PAPOLA: variants seen among roughly 807,000 people sequenced by gnomAD.
PAPOLA encodes the protein polynucleotide adenylyltransferase alpha.
Under a neutral mutation model 100.6 loss-of-function variants are expected in PAPOLA, and 15 were observed. That is an observed-to-expected ratio of 0.15 (90% confidence interval 0.10 to 0.23). The LOEUF (loss-of-function observed/expected upper bound fraction) is 0.23, where lower values mean the gene tolerates loss of function less well. PAPOLA is among the 10% of genes least tolerant of loss of function. The pLI is 1.00. For synonymous variants in PAPOLA, 293 were observed against 300.0 expected (o/e 0.98, Z 0.24); for missense variants, 533 against 884.2 (o/e 0.60, Z 5.04).
intron 1 of PAPOLA, among the ~76,000 whole-genome samples, chr14:96,514,998 GT>G (rs34559573): frequency 0.75 from 113,795 of 151,974 alleles, 43,873 homozygotes; most frequent in African/African-American, 0.94. Context: ...AGAAGTCACA[GT>G]TTTTTTAGTA....
intron 12 of PAPOLA, chr14:96,538,023 A>T (rs951500877): frequency 6.6e-6 from 1 of 151,814 alleles, no homozygotes; most frequent in African/African-American, 2.4e-5. Flanking sequence ...ATCATTAAAT[A>T]CTCTTATTTT....
chr14:96,502,569 T>C lies in PAPOLA; in HGVS notation c.-24T>C. The C allele has an allele frequency of 3.2e-6, 5 of 1,550,562 alleles. No homozygotes were observed. Among genetic ancestry groups the C allele is most frequent in the Non-Finnish European group, 4.4e-6 (5 of 1,148,112 alleles). ...GCGGCGGTTGCGGGGGGGAAGTGAC[T>C]GGGCGGTGCCGGCGCCGGAGACGAT... On this transcript the variant is annotated 5_prime_UTR_variant, in exon 1 of 22. Transcript: ENST00000216277.
chr14:96,531,544 C>A lies in PAPOLA; in HGVS notation c.565C>A (p.Leu189Met). ...PEDLDLRDDS[L>M]LKNLDIRCIR... is the part of the protein sequence containing the mutation. Reference sequence around the variant, plus strand: ...AGATTTGGATCTACGAGATGACAGTCTGCTAAAAAATTTAGATATAAGATG... The same window carrying A: ...AGATTTGGATCTACGAGATGACAGTATGCTAAAAAATTTAGATATAAGATG... The change falls in exon 7 of 22, where the codon CTG (leucine) becomes ATG (methionine). Residue 189 changes from leucine (L) to methionine (M), a missense_variant. Coordinates refer to ENST00000216277, the MANE Select transcript of PAPOLA (RefSeq NM_032632.5). The A allele has an allele frequency of 6.2e-7, 1 of 1,609,112 alleles. No homozygotes were observed. The highest frequency in any genetic ancestry group is 8.5e-7 in the Non-Finnish European group (1 of 1,176,272).
rs142363040 is a variant in PAPOLA, at chr14:96,552,873, C to T, written c.1664+251C>T. 9.8e-4 allele frequency: 420 copies of T among 427,294 alleles called. 1 individual carries two copies. Among genetic ancestry groups the T allele is most frequent in the African/African-American group, 7.8e-3 (389 of 49,790 alleles). 26.5% of individuals were successfully genotyped at this position (427,294 alleles called of 1,614,324 possible). A position where few individuals can be genotyped will look rare whatever the true frequency, so the allele number is the denominator to read the frequency against. On this transcript the variant is annotated intron_variant, in intron 17 of 21. Coordinates refer to ENST00000216277, the MANE Select transcript of PAPOLA (RefSeq NM_032632.5). ...TGTGAATGAATGTTAGCACATAACC[C>T]CTCCAAATTCATGTATTTAGATAGC...
intron 1 of PAPOLA, among the ~76,000 whole-genome samples, chr14:96,518,831 C>T (rs935302767): frequency 4.6e-5 from 7 of 151,832 alleles, no homozygotes; most frequent in African/African-American, 7.2e-5. Flanking sequence ...CCAAAGGGAG[C>T]GGATCACTTG....
intron 19 of PAPOLA, among the ~76,000 whole-genome samples, chr14:96,557,625 T>C (rs1901456589): frequency 6.6e-6 from 1 of 151,900 alleles, no homozygotes; most frequent in African/African-American, 2.4e-5. Context: ...ACACAATTTC[T>C]TTAGAGTGGA....
In PAPOLA at chr14:96,531,529, C is replaced by T; in HGVS notation, c.550C>T (p.Leu184=). The T allele has an allele frequency of 6.2e-7, 1 of 1,609,984 alleles. No homozygotes were observed. Among genetic ancestry groups the T allele is most frequent in the Non-Finnish European group, 8.5e-7 (1 of 1,176,856 alleles). Residue 184 remains leucine, a synonymous_variant, in exon 7 of 22, where the codon CTA becomes TTA. Transcript: ENST00000216277. ...ALQTIPEDLD[L]RDDSLLKNLD... is the part of the protein sequence containing the mutation. Reference sequence around the variant, plus strand: ...GCAGACAATTCCTGAAGATTTGGATCTACGAGATGACAGTCTGCTAAAAAA... The same window carrying T: ...GCAGACAATTCCTGAAGATTTGGATTTACGAGATGACAGTCTGCTAAAAAA...
chr14:96,537,474 T>G (rs1899634456), intron 12 of PAPOLA: 1 of 161,916 alleles, frequency 6.2e-6, no homozygotes, highest in Admixed American at 5.9e-5. Flanking sequence ...GCTAATAAAA[T>G]GTCAATATAT....
In PAPOLA at chr14:96,502,554, C is replaced by CG. The variant is rs773867361; in HGVS notation, c.-32dup. 25 of 1,512,912 alleles carry CG rather than the reference C, an allele frequency of 1.7e-5. No individual in the cohort carries two copies. The highest frequency in any genetic ancestry group is 8.0e-5 in the Admixed American group (4 of 50,146). 93.7% of individuals were successfully genotyped at this position (1,512,912 alleles called of 1,614,324 possible). A position where few individuals can be genotyped will look rare whatever the true frequency, so the allele number is the denominator to read the frequency against. ...CCCAGGGCGGCAGCGGCGGCGGTTG[C>CG]GGGGGGGAAGTGACTGGGCGGTGCC... On this transcript the variant is annotated 5_prime_UTR_variant, in exon 1 of 22. The change abolishes the stop of an existing upstream ORF in the 5' untranslated region. Coordinates refer to ENST00000216277, the MANE Select transcript of PAPOLA (RefSeq NM_032632.5).
chr14:96,508,543 C>T lies in PAPOLA; in HGVS notation c.8+5943C>T, dbSNP rs374011985. On this transcript the variant is annotated intron_variant, in intron 1 of 21. Coordinates refer to ENST00000216277, the MANE Select transcript of PAPOLA (RefSeq NM_032632.5). ...TTTCCTCACCTTCTTAAGGCAGAAG[C>T]CAGTTCTGGCTTGATAACAACTTTG... 2.5e-4 allele frequency among the ~76,000 whole-genome samples: 38 copies of T among 152,312 alleles called. 1 individual carries two copies. The highest frequency in any genetic ancestry group is 2.3e-3 in the South Asian group (11 of 4,828).
rs531801340 is a variant in PAPOLA at position 96,502,498 on chromosome 14, C to G, written c.-95C>G. 8.2e-6 allele frequency: 8 copies of G among 980,900 alleles called. No individual in the cohort carries two copies. The highest frequency in any genetic ancestry group is 1.5e-5 in the South Asian group (1 of 66,538). The allele number at this position is 980,900 out of a possible 1,614,324, so 60.8% of individuals were successfully genotyped here. A position where few individuals can be genotyped will look rare whatever the true frequency, so the allele number is the denominator to read the frequency against. On this transcript the variant is annotated 5_prime_UTR_variant, in exon 1 of 22. Coordinates refer to ENST00000216277, the MANE Select transcript of PAPOLA (RefSeq NM_032632.5). ...GGTTGGACCCAGGGCTGAGGCAGGC[C>G]CCCCCCTCCCTCCCGCCTCAGTGGA...
At chr14:96,521,216 A>G (rs1897936607) in intron 3 of PAPOLA, 144 bp downstream of exon 3, 2 of 594,680 alleles carry the variant, frequency 3.4e-6, no homozygotes, top group African/African-American at 1.9e-5. Flanking sequence ...CAGATTTTAC[A>G]TTATTTTTCT....
chr14:96,525,294 T>C lies in PAPOLA; in HGVS notation c.250-16T>C. Reference sequence around the variant, plus strand: ...TTGTGCTCCACTGGCAAAATAACCATTTTTTGTTTCAACAGAATCTTCCAC... The same window carrying C: ...TTGTGCTCCACTGGCAAAATAACCACTTTTTGTTTCAACAGAATCTTCCAC... On this transcript the variant is annotated splice_polypyrimidine_tract_variant and intron_variant, in intron 3 of 21. Coordinates refer to ENST00000216277, the MANE Select transcript of PAPOLA (RefSeq NM_032632.5). 7.7e-7 allele frequency: 1 copy of C among 1,305,692 alleles called. No homozygotes were observed. The highest frequency in any genetic ancestry group is 1.1e-6 in the Non-Finnish European group (1 of 907,374). The allele number at this position is 1,305,692 out of a possible 1,614,324, so 80.9% of individuals were successfully genotyped here. A position where few individuals can be genotyped will look rare whatever the true frequency, so the allele number is the denominator to read the frequency against.
intron 1 of PAPOLA, among the ~76,000 whole-genome samples, chr14:96,511,169 G>T (rs557273188): frequency 2.6e-5 from 4 of 152,110 alleles, no homozygotes; most frequent in African/African-American, 7.2e-5. Context: ...TATAAATTGG[G>T]GCAGTTGACT....
chr14:96,556,072 A>G, intron 18 of PAPOLA, 103 bp from the exon 19 acceptor site: 7 of 1,182,744 alleles, frequency 5.9e-6, no homozygotes, highest in Non-Finnish European at 7.5e-6. Context: ...TATTTTTTGC[A>G]TGTAAAGTTA....
At chr14:96,527,756 AAAT>A in intron 5 of PAPOLA, 194 bp from the exon 6 acceptor site, 1 of 616,952 alleles carries the variant, frequency 1.6e-6, no homozygotes, top group Non-Finnish European at 2.9e-6. Context: ...AATAAATATG[AAAT>A]AATCTGGCCA....
chr14:96,509,393 T>C lies in PAPOLA; in HGVS notation c.8+6793T>C, dbSNP rs1418656165. Among the ~76,000 whole-genome samples, 3 of 152,326 alleles carry C rather than the reference T, an allele frequency of 2.0e-5. No homozygotes were observed. The East Asian group carries it at 5.8e-4, about 29-fold the overall frequency. On this transcript the variant is annotated intron_variant, in intron 1 of 21. Coordinates refer to ENST00000216277, the MANE Select transcript of PAPOLA (RefSeq NM_032632.5). ...TTTCAAGCTCAATTTTTTTTGTGTG[T>C]ATAACATGTAAATCTCAAAGTATTT... is the stretch of plus-strand genomic sequence containing the variant.
chr14:96,516,376 CTCTT>C (rs916989992), intron 1 of PAPOLA, among the ~76,000 whole-genome samples: 3 of 150,988 alleles, frequency 2.0e-5, no homozygotes, highest in Middle Eastern at 3.4e-3. Flanking sequence ...TTCTCTCCCT[CTCTT>C]TCTTCCTTCC....
At chr14:96,530,412 G>A (rs1396342841) in intron 6 of PAPOLA, among the ~76,000 whole-genome samples, 8 of 148,912 alleles carry the variant, frequency 5.4e-5, no homozygotes, top group South Asian at 4.2e-4. Flanking sequence ...TTTTTCTGAG[G>A]CAGGGTCTTA....
Sources: gnomAD v4.1 joint callset for allele counts (sites outside exome capture counted in the v4.1 genomes callset) on GRCh38, gnomAD v4.1.1 for gene constraint, MANE v1.5 for transcripts, NCBI Gene and HGNC (gene_info 2026-07-23, HGNC 2026-07-21) for gene names.